Variants in FOCAD observed in about 807,000 individuals in gnomAD.
FOCAD encodes the protein KIAA1797.
FOCAD carries 198 observed loss-of-function variants against 225.6 expected under a neutral mutation model. That is an observed-to-expected ratio of 0.88 (90% CI 0.78 to 0.99). The LOEUF (loss-of-function observed/expected upper bound fraction) is 0.99, where lower values mean the gene tolerates loss of function less well. FOCAD is among the 50% of genes least tolerant of loss of function. The pLI, the probability that FOCAD is intolerant of heterozygous loss-of-function variation, is 0.00. For synonymous variants in FOCAD, 897 were observed against 755.0 expected, an observed-to-expected ratio of 1.19 and a Z score of -3.08; for missense variants, 2,713 against 2,123.6, an observed-to-expected ratio of 1.28 and a Z score of -5.46.
chr9:20,751,274 A>T (rs1177391535), intron 5 of FOCAD, among the ~76,000 whole-genome samples: 2 of 146,518 alleles, frequency 1.4e-5, no homozygotes, highest in African/African-American at 5.0e-5. Flanking sequence ...CTCGTCATCT[A>T]GCATTAGGTA....
intron 28 of FOCAD, among the ~76,000 whole-genome samples, chr9:20,939,255 G>C (rs1336527046): frequency 6.6e-6 from 1 of 151,658 alleles, no homozygotes; most frequent in Non-Finnish European, 1.5e-5. Flanking sequence ...AGAAAAATAG[G>C]GAAATTTAGC....
rs2131410787 is a variant in FOCAD, at chr9:20,819,885, G to T, written c.1545G>T (p.Lys515Asn). The stretch of plus-strand genomic sequence containing the variant: ...ATGATATATTGTATACTTTACCTAA[G>T]CTTGGTGTTCACAAGGTTAGTATGT... ...LYNDILYTLP[K>N]LGVHKVCIGQ... Residue 515 changes from lysine (K) to asparagine (N), a missense_variant, in exon 12 of 44, where the codon AAG (lysine) becomes AAT (asparagine). By Grantham distance (94) the Lys-to-Asn change is moderately conservative. Transcript: ENST00000338382. 1.3e-6 allele frequency: 2 copies of T among 1,531,488 alleles called. No individual in the cohort carries two copies. Among genetic ancestry groups the T allele is most frequent in the South Asian group, 2.6e-5 (2 of 76,138 alleles). The allele number at this position is 1,531,488 out of a possible 1,614,324, so 94.9% of individuals were successfully genotyped here. A position where few individuals can be genotyped will look rare whatever the true frequency, so the allele number is the denominator to read the frequency against.
At chr9:20,716,974 C>T (rs944129716) in intron 2 of FOCAD, among the ~76,000 whole-genome samples, 2 of 152,200 alleles carry the variant, frequency 1.3e-5, no homozygotes, top group African/African-American at 2.4e-5. Flanking sequence ...AATTCCTGGT[C>T]AGTTCCATTC....
chr9:20,874,277 AT>A (rs938949184), intron 18 of FOCAD: 1 of 162,026 alleles, frequency 6.2e-6, no homozygotes, highest in African/African-American at 2.4e-5. Context: ...AGAATCACAA[AT>A]TTTTTAAAAA....
At chr9:20,776,284 G>T (rs12378436) in intron 8 of FOCAD, among the ~76,000 whole-genome samples, 28,080 of 152,166 alleles carry the variant, frequency 0.18, 3,100 homozygotes, top group Non-Finnish European at 0.24. Context: ...GCTATTCTGG[G>T]GCAGGGAGCA....
chr9:20,990,471 A>T (rs527669339), intron 42 of FOCAD, 97 bp downstream of exon 42: 1 of 1,403,912 alleles, frequency 7.1e-7, no homozygotes, highest in Non-Finnish European at 9.7e-7. Context: ...TGCGTCTTGA[A>T]TCACACCACA....
At chr9:20,888,128 T>C (rs1218525306) in intron 21 of FOCAD, among the ~76,000 whole-genome samples, 1 of 148,318 alleles carries the variant, frequency 6.7e-6, no homozygotes, top group African/African-American at 2.5e-5. Flanking sequence ...TTTTCTTTTT[T>C]TTTTTTTCTT....
chr9:20,694,357 G>A (rs938989230), intron 1 of FOCAD, among the ~76,000 whole-genome samples: 5 of 152,080 alleles, frequency 3.3e-5, no homozygotes, highest in Admixed American at 2.0e-4. Flanking sequence ...TTTTACATTT[G>A]AATTTATAGC....
chr9:20,745,470 GAATA>G (rs1331705493), intron 5 of FOCAD, among the ~76,000 whole-genome samples: 1 of 152,162 alleles, frequency 6.6e-6, no homozygotes, highest in Non-Finnish European at 1.5e-5. Flanking sequence ...TTGCAGGGAA[GAATA>G]AATAAATTTT....
chr9:20,986,266 A>ATTTTCTTTTTTTTTTTTTTTTT (rs1841143232), intron 39 of FOCAD, 22 bp from the exon 40 acceptor site: 5 of 710,266 alleles, frequency 7.0e-6, no homozygotes, highest in Non-Finnish European at 7.1e-6. Context: ...TAACTAAACA[A>ATTTTCTTTTTTTTTTTTTTTTT]TTTTTTTTTT....
intron 37 of FOCAD, among the ~76,000 whole-genome samples, chr9:20,980,782 C>G (rs1338531638): frequency 6.6e-6 from 1 of 152,092 alleles, no homozygotes; most frequent in African/African-American, 2.4e-5. Context: ...CCTTTAGTAG[C>G]ATGTTTATGT....
In FOCAD at chr9:20,950,594, T is replaced by A. The variant is rs144616622; in HGVS notation, c.3949-402T>A. Among the ~76,000 whole-genome samples, 397 of 152,304 alleles carry A rather than the reference T, an allele frequency of 2.6e-3. 2 individuals are homozygous for A. The highest frequency in any genetic ancestry group is 8.7e-3 in the African/African-American group (362 of 41,580). ...TGATAAAGCAGCAGTAGAGCATAAT[T>A]TACAGAAGAGAACAAAATGTATCTC... On this transcript the variant is annotated intron_variant, in intron 33 of 43. Transcript: ENST00000338382.
chr9:20,925,498 C>T (rs1038893565), intron 25 of FOCAD, among the ~76,000 whole-genome samples: 3 of 152,182 alleles, frequency 2.0e-5, no homozygotes, highest in Admixed American at 2.0e-4. Flanking sequence ...GGCTGTTACT[C>T]AATGCAAATT....
intron 11 of FOCAD, among the ~76,000 whole-genome samples, chr9:20,810,150 A>G (rs1227295437): frequency 1.3e-5 from 2 of 152,168 alleles, no homozygotes; most frequent in African/African-American, 2.4e-5. Flanking sequence ...CAAACTTCCT[A>G]GAGTCCTTTC....
chr9:20,902,360 A>G (rs1832628129), intron 21 of FOCAD, among the ~76,000 whole-genome samples: 1 of 151,982 alleles, frequency 6.6e-6, no homozygotes, highest in Non-Finnish European at 1.5e-5. Flanking sequence ...TGTGAAGTAT[A>G]AGACAAGCTT....
At chr9:20,978,536 TCAAA>T in intron 37 of FOCAD, 82 bp downstream of exon 37, 1 of 961,942 alleles carries the variant, frequency 1.0e-6, no homozygotes, top group South Asian at 2.0e-5. Context: ...GTGTGTGTTC[TCAAA>T]GTCAAGAGGA....
intron 15 of FOCAD, among the ~76,000 whole-genome samples, chr9:20,846,442 G>A (rs1341860973): frequency 1.3e-5 from 2 of 152,070 alleles, no homozygotes; most frequent in Non-Finnish European, 2.9e-5. Context: ...GCCCCAAACT[G>A]TTTTAGCAGC....
chr9:20,659,290 C>T (rs1271321239), intron 2 of FOCAD, among the ~76,000 whole-genome samples: 2 of 145,150 alleles, frequency 1.4e-5, no homozygotes, highest in Admixed American at 1.4e-4. Context: ...GCCTGTAGTT[C>T]CAGCTAATTC....
intron 24 of FOCAD, among the ~76,000 whole-genome samples, chr9:20,920,799 T>A (rs1234069622): frequency 6.7e-6 from 1 of 149,502 alleles, no homozygotes; most frequent in Non-Finnish European, 1.5e-5. Context: ...AACATCACAC[T>A]CTGGGGACTG....
Sources: allele counts gnomAD v4.1 joint callset (sites outside exome capture counted in the v4.1 genomes callset), GRCh38; gene constraint gnomAD v4.1.1; transcripts MANE v1.5; gene names NCBI Gene and HGNC (gene_info 2026-07-23, HGNC 2026-07-21).